The following BCAS3 variants were observed in gnomAD, a reference collection of about 807,000 sequenced individuals.
BCAS3 encodes the protein BCAS3 microtubule associated cell migration factor.
In BCAS3, 53 loss-of-function variants were observed where a neutral mutation model predicts 116.1. The ratio of observed to expected loss-of-function variants is 0.46; its 90% confidence interval spans 0.37 to 0.57. The LOEUF is 0.57. Ranked by LOEUF, BCAS3 falls within the 20% of genes least tolerant of loss-of-function variation. The pLI is 0.00. For synonymous variants in BCAS3, 391 were observed against 408.2 expected, an observed-to-expected ratio of 0.96 and a Z score of 0.51; for missense variants, 917 against 1,165.4, an observed-to-expected ratio of 0.79 and a Z score of 3.10.
chr17:60,888,295 T>C (rs2056876793), intron 9 of BCAS3, among the ~76,000 whole-genome samples: 1 of 152,216 alleles, frequency 6.6e-6, no homozygotes, highest in African/African-American at 2.4e-5. Flanking sequence ...TTAAAGTGGT[T>C]ATCAGAATTT....
At chr17:60,931,320 G>A (rs989395381) in intron 13 of BCAS3, among the ~76,000 whole-genome samples, 1 of 151,802 alleles carries the variant, frequency 6.6e-6, no homozygotes, top group African/African-American at 2.4e-5. Flanking sequence ...CTGTTGCCTA[G>A]GCTGGAGTGC....
intron 14 of BCAS3, among the ~76,000 whole-genome samples, chr17:60,951,444 A>G (rs1189284160): frequency 6.6e-6 from 1 of 152,176 alleles, no homozygotes; most frequent in Non-Finnish European, 1.5e-5. Context: ...GAACAAAAAC[A>G]TCAAAGTTAC....
At position 61,356,574 on chromosome 17, in the gene BCAS3, G is replaced by T. The variant is rs1194871817; in HGVS notation, c.2426-11753G>T. On this transcript the variant is annotated intron_variant, in intron 22 of 23. Transcript: ENST00000407086. This position sits in a 1 kb window ranked among gnomAD's most constrained non-coding sequence, Gnocchi z 5.4. ...GCCCTGCTCAATGACCTCATGATGT[G>T]TGAGGGCCTCAGCCATTTCTTGACA... is the stretch of plus-strand genomic sequence containing the variant. 6.6e-6 allele frequency among the ~76,000 whole-genome samples: 1 copy of T among 152,186 alleles called. No individual in the cohort carries two copies. Among genetic ancestry groups the T allele is most frequent in the African/African-American group, 2.4e-5 (1 of 41,448 alleles).
intron 6 of BCAS3, among the ~76,000 whole-genome samples, chr17:60,788,705 T>C (rs893423179): frequency 1.3e-5 from 2 of 152,148 alleles, no homozygotes; most frequent in African/African-American, 4.8e-5. Flanking sequence ...CTTTATCTCA[T>C]CTTCCACTTC....
At chr17:60,910,894 T>A (rs1218021602) in intron 12 of BCAS3, among the ~76,000 whole-genome samples, 192 bp downstream of exon 12, 1 of 151,984 alleles carries the variant, frequency 6.6e-6, no homozygotes, top group Non-Finnish European at 1.5e-5. Context: ...ACATTATTAA[T>A]GCATCAAACC....
chr17:61,096,950 CAT>C (rs1184626237), intron 22 of BCAS3, among the ~76,000 whole-genome samples: 3 of 152,048 alleles, frequency 2.0e-5, no homozygotes, highest in African/African-American at 7.2e-5. Context: ...AATTATTTCA[CAT>C]ATGTGGAAGA....
In BCAS3 at chr17:61,130,579, A is replaced by G. The variant is rs780249407; in HGVS notation, c.2425+46015A>G. The G allele has an allele frequency of 6.6e-6, 1 of 152,180 alleles. No individual in the cohort carries two copies. Among genetic ancestry groups the G allele is most frequent in the South Asian group, 2.1e-4 (1 of 4,824 alleles). 9.4% of individuals were successfully genotyped at this position (152,180 alleles called of 1,614,324 possible). ...TTTTTATCCTGTCATCCCTGTTCTC[A>G]AGAATCTTCAGTTGTATCCCATTTT... On this transcript the variant is annotated intron_variant, in intron 22 of 23. Transcript: ENST00000407086. The surrounding 1 kb of genome is among the most constrained non-coding windows in gnomAD (Gnocchi z 5.0).
intron 6 of BCAS3, among the ~76,000 whole-genome samples, chr17:60,756,688 G>GGTT (rs1235768621): frequency 3.3e-5 from 5 of 152,222 alleles, no homozygotes; most frequent in Non-Finnish European, 7.3e-5. Flanking sequence ...TGGGCACTTA[G>GGTT]GTTGATTCCA....
rs560968836 is a variant in BCAS3 at position 61,132,768 on chromosome 17, T to G, written c.2425+48204T>G. On this transcript the variant is annotated intron_variant, in intron 22 of 23. Coordinates refer to ENST00000407086, the MANE Select transcript of BCAS3 (RefSeq NM_017679.5). This position sits in a 1 kb window ranked among gnomAD's most constrained non-coding sequence, Gnocchi z 5.1. The stretch of plus-strand genomic sequence containing the variant: ...AAGACAAGAGAAGTGGAAGATAGAG[T>G]CCACTCCCCTATCCCCGTCAATGAG... Among the ~76,000 whole-genome samples the G allele has an allele frequency of 6.6e-6, 1 of 151,910 alleles. No homozygotes were observed. The highest frequency in any genetic ancestry group is 1.9e-4 in the East Asian group (1 of 5,178).
intron 22 of BCAS3, among the ~76,000 whole-genome samples, chr17:61,147,240 A>T (rs1362833703): frequency 6.6e-6 from 1 of 151,756 alleles, no homozygotes; most frequent in Non-Finnish European, 1.5e-5. Context: ...ACACCTAGCT[A>T]ATTTTTTGTA....
intron 22 of BCAS3, among the ~76,000 whole-genome samples, chr17:61,103,587 G>T (rs1402359640): frequency 6.6e-6 from 1 of 152,292 alleles, no homozygotes; most frequent in East Asian, 1.9e-4. Context: ...AAAAGGCAAA[G>T]AAATGAAGCT....
intron 14 of BCAS3, among the ~76,000 whole-genome samples, chr17:60,981,743 CAACAACCCTATGAA>C (rs2062829005): frequency 6.6e-6 from 1 of 152,284 alleles, no homozygotes; most frequent in Admixed American, 6.5e-5. Flanking sequence ...AACTCATACC[CAACAACCCTATGAA>C]ATTGGCATAA....
intron 5 of BCAS3, among the ~76,000 whole-genome samples, chr17:60,726,310 C>T (rs1224168660): frequency 6.8e-6 from 1 of 147,478 alleles, no homozygotes; most frequent in East Asian, 2.0e-4. Flanking sequence ...AAGTGATTCT[C>T]CTGCCTTAGC....
intron 22 of BCAS3, among the ~76,000 whole-genome samples, chr17:61,138,021 G>T (rs1301291901): frequency 1.3e-5 from 2 of 152,056 alleles, no homozygotes; most frequent in African/African-American, 4.8e-5. Flanking sequence ...AATTCTTAGG[G>T]CATCAGTTCT....
Position 60,995,271 on chromosome 17 carries a change from GCCTCC to G in BCAS3, c.1486+5038_1486+5042del, listed in dbSNP as rs1407516541. Reference sequence around the variant, plus strand: ...GGGTTCAAGTGATTCTTCTGCTTCAGCCTCCCAAGTAGCTGGGATTACAGGTGCCC... The same window carrying G: ...GGGTTCAAGTGATTCTTCTGCTTCAGCAAGTAGCTGGGATTACAGGTGCCC... On this transcript the variant is annotated intron_variant, in intron 15 of 23. Transcript: ENST00000407086. This position sits in a 1 kb window ranked among gnomAD's most constrained non-coding sequence, Gnocchi z 4.7. 1.3e-5 allele frequency among the ~76,000 whole-genome samples: 2 copies of G among 152,156 alleles called. No homozygotes were observed. Among genetic ancestry groups the G allele is most frequent in the Non-Finnish European group, 2.9e-5 (2 of 68,012 alleles).
At position 61,023,273 on chromosome 17, in the gene BCAS3, C is replaced by T. The variant is rs1031164975; in HGVS notation, c.1637+7372C>T. On this transcript the variant is annotated intron_variant, in intron 16 of 23. Coordinates refer to ENST00000407086, the MANE Select transcript of BCAS3 (RefSeq NM_017679.5). The surrounding 1 kb of genome is among the most constrained non-coding windows in gnomAD (Gnocchi z 4.8). Reference sequence around the variant, plus strand: ...TATGGCTCTGCTTCAATATTTGACACATAATGTTGTATAGCTTTTTCTCTG... The same window carrying T: ...TATGGCTCTGCTTCAATATTTGACATATAATGTTGTATAGCTTTTTCTCTG... Among the ~76,000 whole-genome samples the T allele has an allele frequency of 2.0e-5, 3 of 152,184 alleles. No individual in the cohort carries two copies. The highest frequency in any genetic ancestry group is 4.4e-5 in the Non-Finnish European group (3 of 68,028).
At chr17:61,319,889 A>ATTT (rs1263875261) in intron 22 of BCAS3, among the ~76,000 whole-genome samples, 8 of 125,268 alleles carry the variant, frequency 6.4e-5, no homozygotes, top group African/African-American at 2.2e-4. Flanking sequence ...TCTTTTTTTT[A>ATTT]TTTTTTATTT....
chr17:61,210,054 G>A (rs1386304571), intron 22 of BCAS3, among the ~76,000 whole-genome samples: 4 of 152,178 alleles, frequency 2.6e-5, no homozygotes, highest in Admixed American at 6.5e-5. Flanking sequence ...TTCAGCCCAC[G>A]CAGGGAAGTT....
intron 5 of BCAS3, among the ~76,000 whole-genome samples, chr17:60,718,786 G>A (rs2038924204): frequency 6.6e-6 from 1 of 152,128 alleles, no homozygotes. Flanking sequence ...TGTAGGCTGG[G>A]TGCTGTGGCT....
Sources: allele counts gnomAD v4.1 joint callset (sites outside exome capture counted in the v4.1 genomes callset), GRCh38; gene constraint gnomAD v4.1.1; non-coding constraint Gnocchi (gnomAD v3.1); transcripts MANE v1.5; gene names NCBI Gene and HGNC (gene_info 2026-07-23, HGNC 2026-07-21).